The following VSIG8 variants were observed in gnomAD, a reference collection of about 807,000 sequenced individuals.
VSIG8 encodes V-set and immunoglobulin domain containing 8, also known as V-set and immunoglobulin domain-containing protein 8.
VSIG8 carries 32 observed loss-of-function variants against 42.6 expected under a neutral mutation model. The ratio of observed to expected loss-of-function variants is 0.75; its 90% confidence interval spans 0.57 to 1.01. The LOEUF is 1.01. Among genes scored for constraint, VSIG8 ranks in the 50% least tolerant of loss-of-function variants. The pLI is 0.00. For synonymous variants in VSIG8, 290 were observed against 243.8 expected (o/e 1.19, Z -1.77); for missense variants, 529 against 558.0 (o/e 0.95, Z 0.52).
Position 159,858,718 on chromosome 1 carries a change from T to G in VSIG8, c.228+16A>C. On this transcript the variant is annotated intron_variant, in intron 2 of 6. Coordinates refer to ENST00000368100, the MANE Select transcript of VSIG8 (RefSeq NM_001013661.1). ...ATGAAGCCTAGAGGAAGGAGACCCC[T>G]GTGCCCAGCACTCACCACGTTCTCT... 6.3e-7 allele frequency: 1 copy of G among 1,598,020 alleles called. No homozygotes were observed. The highest frequency in any genetic ancestry group is 8.5e-7 in the Non-Finnish European group (1 of 1,172,548).
At chr1:159,859,857 G>T (rs921936862) in intron 1 of VSIG8, among the ~76,000 whole-genome samples, 1 of 151,966 alleles carries the variant, frequency 6.6e-6, no homozygotes, top group Non-Finnish European at 1.5e-5. Context: ...GGCAATCCTG[G>T]GTGAGGAGCC....
Position 159,855,525 on chromosome 1 carries a change from A to G in VSIG8, c.971+358T>C, listed in dbSNP as rs114471392. ...GCTTCTAATATAAGTTATTAGCACT[A>G]TTCTTATTATTAGCTCTTCTTAAAT... is the stretch of plus-strand genomic sequence containing the variant. On this transcript the variant is annotated intron_variant, in intron 6 of 6. Coordinates refer to ENST00000368100, the MANE Select transcript of VSIG8 (RefSeq NM_001013661.1). 4.7e-3 allele frequency: 4,660 copies of G among 985,176 alleles called. 167 individuals carry two copies. The African/African-American group carries it at 0.073, about 15-fold the overall frequency. 61.0% of individuals were successfully genotyped at this position (985,176 alleles called of 1,614,324 possible).
At chr1:159,860,249 C>G (rs1241125961) in intron 1 of VSIG8, among the ~76,000 whole-genome samples, 1 of 152,188 alleles carries the variant, frequency 6.6e-6, no homozygotes, top group Non-Finnish European at 1.5e-5. Context: ...CCCACTCTTA[C>G]AAGGCTTCAA....
intron 6 of VSIG8, chr1:159,855,573 G>A (rs1648788333): frequency 2.0e-6 from 2 of 985,314 alleles, no homozygotes; most frequent in Non-Finnish European, 2.4e-6. Context: ...GTTCTTACCG[G>A]CGCAGTACAG....
chr1:159,857,475 A>G (rs1648871356), intron 4 of VSIG8, among the ~76,000 whole-genome samples: 1 of 151,670 alleles, frequency 6.6e-6, no homozygotes, highest in Non-Finnish European at 1.5e-5. Context: ...CTCGGGAGGC[A>G]GAGGCAGGAG....
At chr1:159,856,447 T>G in intron 5 of VSIG8, 77 bp downstream of exon 5, 1 of 1,588,946 alleles carries the variant, frequency 6.3e-7, no homozygotes. Flanking sequence ...CAGAAGCAGC[T>G]GAGGCTCCAA....
intron 6 of VSIG8, 113 bp downstream of exon 6, chr1:159,855,770 T>A: frequency 1.5e-6 from 2 of 1,338,296 alleles, no homozygotes; most frequent in Non-Finnish European, 1.9e-6. Context: ...TCCGTGGCGA[T>A]GGCGGGCAGG....
chr1:159,856,063 A>T lies in VSIG8; in HGVS notation c.791T>A (p.Val264Glu), dbSNP rs199793119. The change falls in exon 6 of 7, where the codon GTG becomes GAG. Residue 264 changes from valine (V) to glutamate (E), a missense_variant. By Grantham distance (121) the Val-to-Glu change is moderately radical. Transcript: ENST00000368100. ...VKVSDSRRIG[V>E]IIGIVLGSLL... The stretch of plus-strand genomic sequence containing the variant: ...AGAGCCCAGGACGATGCCGATGATC[A>T]CGCCTATACGCCGGGAGTCTGTGGA... The T allele has an allele frequency of 2.1e-4, 333 of 1,611,772 alleles. No individual in the cohort carries two copies. Among genetic ancestry groups the T allele is most frequent in the Non-Finnish European group, 2.6e-4 (312 of 1,179,236 alleles).
rs754177234 is a variant in VSIG8, at chr1:159,856,658, G to A, written c.653-15C>T. On this transcript the variant is annotated splice_polypyrimidine_tract_variant and intron_variant, in intron 4 of 6. Transcript: ENST00000368100. ...ATTGTTCAGGCCTGAAAGTGAAGTG[G>A]AGAGAGGCCTGGTCTCTGAGAGCTC... 2.9e-5 allele frequency: 46 copies of A among 1,612,952 alleles called. No individual in the cohort carries two copies. In the Middle Eastern group the frequency reaches 4.9e-4, roughly 17 times the overall value.
Position 159,854,857 on chromosome 1 carries a change from C to T in VSIG8, c.1141G>A (p.Ala381Thr). The T allele has an allele frequency of 2.1e-6, 3 of 1,456,196 alleles. No individual in the cohort carries two copies. Among genetic ancestry groups the T allele is most frequent in the Non-Finnish European group, 1.8e-6 (2 of 1,112,848 alleles). 90.2% of individuals were successfully genotyped at this position (1,456,196 alleles called of 1,614,324 possible). A position where few individuals can be genotyped will look rare whatever the true frequency, so the allele number is the denominator to read the frequency against. Residue 381 changes from alanine (A) to threonine (T), a missense_variant, in exon 7 of 7, where the codon GCC becomes ACC. Ala to Thr is a moderately conservative substitution (Grantham distance 58, BLOSUM62 0). Transcript: ENST00000368100. The part of the protein sequence containing the change: ...VALAPCTAAA[A>T]CEAGPSPVYV... ...ACCGGGGAGGGGCCCGCTTCGCAGGCGGCGGCGGCGGTGCAGGGCGCCAGG... is the reference window on the plus strand; with the variant it reads ...ACCGGGGAGGGGCCCGCTTCGCAGGTGGCGGCGGCGGTGCAGGGCGCCAGG...
chr1:159,858,303 A>G lies in VSIG8; in HGVS notation c.229-12T>C, dbSNP rs780475729. The G allele has an allele frequency of 1.2e-6, 2 of 1,614,124 alleles. No individual in the cohort carries two copies. The highest frequency in any genetic ancestry group is 2.2e-5 in the South Asian group (2 of 91,086). ...TGGTAACTAAGGAACTGTGAAGAGG[A>G]GAGGAAAACAGGTGGTGAAACAGGC... On this transcript the variant is annotated splice_polypyrimidine_tract_variant and intron_variant, in intron 2 of 6. Transcript: ENST00000368100.
chr1:159,862,481 A>G lies in VSIG8; in HGVS notation c.41T>C (p.Leu14Pro). Reference protein sequence around the residue: ...GGAFHLLLVCLSPALLSAVRI... With the variant: ...GGAFHLLLVCPSPALLSAVRI... ...CCTGCCCAGCCCCGTACCTGGGCTC[A>G]GGCACACGAGTAGAAGGTGGAATGC... Residue 14 changes from leucine (L) to proline (P), a missense_variant, in exon 1 of 7, where the codon CTG becomes CCG. By Grantham distance (98) the Leu-to-Pro change is moderately conservative. Coordinates refer to ENST00000368100, the MANE Select transcript of VSIG8 (RefSeq NM_001013661.1). The G allele has an allele frequency of 6.2e-7, 1 of 1,612,850 alleles. No homozygotes were observed. The highest frequency in any genetic ancestry group is 8.5e-7 in the Non-Finnish European group (1 of 1,179,246).
chr1:159,855,916 C>T lies in VSIG8; in HGVS notation c.938G>A (p.Gly313Glu). 6.4e-7 allele frequency: 1 copy of T among 1,555,746 alleles called. No individual in the cohort carries two copies. The highest frequency in any genetic ancestry group is 8.7e-7 in the Non-Finnish European group (1 of 1,151,984). Reference protein sequence around the residue: ...FGYGNGGGVGGGACGDLASEI... With the variant: ...FGYGNGGGVGEGACGDLASEI... ...ACTAGCCAAGTCGCCGCAGGCCCCT[C>T]CGCCGACCCCGCCGCCGTTGCCGTA... The change falls in exon 6 of 7, where the codon GGA becomes GAA. Residue 313 changes from glycine to glutamate, a missense_variant. Gly to Glu is a moderately conservative substitution (Grantham distance 98, BLOSUM62 -2). Coordinates refer to ENST00000368100, the MANE Select transcript of VSIG8 (RefSeq NM_001013661.1).
chr1:159,858,389 C>T (rs538435872), intron 2 of VSIG8, 98 bp from the exon 3 acceptor site: 11 of 1,246,690 alleles, frequency 8.8e-6, no homozygotes, highest in East Asian at 7.1e-5. Flanking sequence ...TTCTCTGAGA[C>T]TCTTTTCTCA....
At chr1:159,858,962 C>CAGG in intron 1 of VSIG8, 50 bp from the exon 2 acceptor site, 2 of 1,568,130 alleles carry the variant, frequency 1.3e-6, no homozygotes, top group Non-Finnish European at 1.7e-6. Flanking sequence ...AGCAGGGCTT[C>CAGG]AGGAGGAGTC....
intron 1 of VSIG8, 91 bp downstream of exon 1, chr1:159,862,382 G>T (rs1649051297): frequency 7.1e-7 from 1 of 1,417,790 alleles, no homozygotes; most frequent in African/African-American, 1.4e-5. Flanking sequence ...GGCAACTCAG[G>T]CAGCCCCAGG....
chr1:159,856,792 C>CACACA, intron 4 of VSIG8, 149 bp from the exon 5 acceptor site: 15 of 1,033,556 alleles, frequency 1.5e-5, no homozygotes, highest in East Asian at 2.6e-5. Context: ...CACACACACT[C>CACACA]CACTCTCCAG....
Position 159,856,082 on chromosome 1 carries a change from C to CTGTGGAGAGA in VSIG8, c.773-11_773-2dup, listed in dbSNP as rs759575770. On this transcript the variant is annotated splice_acceptor_variant, in intron 5 of 6. Coordinates refer to ENST00000368100, the MANE Select transcript of VSIG8 (RefSeq NM_001013661.1). LOFTEE classifies it high-confidence loss of function. The stretch of plus-strand genomic sequence containing the variant: ...ATGATCACGCCTATACGCCGGGAGT[C>CTGTGGAGAGA]TGTGGAGAGAAGTGGAGGCAGGTCA... 1 of 1,610,242 alleles carries CTGTGGAGAGA rather than the reference C, an allele frequency of 6.2e-7. No individual in the cohort carries two copies. The highest frequency in any genetic ancestry group is 8.5e-7 in the Non-Finnish European group (1 of 1,178,572).
At chr1:159,855,745 C>T (rs955692219) in intron 6 of VSIG8, 138 bp downstream of exon 6, 1 of 1,391,180 alleles carries the variant, frequency 7.2e-7, no homozygotes. Flanking sequence ...GGTCGACATG[C>T]CGCAGTCCCA....
Sources: allele counts gnomAD v4.1 joint callset (sites outside exome capture counted in the v4.1 genomes callset), GRCh38; gene constraint gnomAD v4.1.1; transcripts MANE v1.5; gene names NCBI Gene and HGNC (gene_info 2026-07-23, HGNC 2026-07-21).